MAPK10: variants seen among roughly 807,000 people sequenced by gnomAD.
MAPK10 encodes mitogen-activated protein kinase 10.
In MAPK10, 25 loss-of-function variants were observed where a neutral mutation model predicts 59.3. The ratio of observed to expected loss-of-function variants is 0.42; its 90% CI spans 0.31 to 0.59. The LOEUF (loss-of-function observed/expected upper bound fraction) is 0.59. Ranked by LOEUF, MAPK10 falls within the 20% of genes least tolerant of loss-of-function variation. The pLI is 0.15. For synonymous variants in MAPK10, 190 were observed against 200.5 expected, an observed-to-expected ratio of 0.95 and a Z score of 0.44; for missense variants, 351 against 568.9, an observed-to-expected ratio of 0.62 and a Z score of 3.90.
At chr4:86,230,199 C>T (rs902206860) in intron 2 of MAPK10, among the ~76,000 whole-genome samples, 1 of 152,060 alleles carries the variant, frequency 6.6e-6, no homozygotes, top group South Asian at 2.1e-4. Context: ...TAAATATATA[C>T]AATTTGATTG....
chr4:86,521,650 C>T (rs1327525773), intron 1 of MAPK10, among the ~76,000 whole-genome samples: 2 of 152,076 alleles, frequency 1.3e-5, no homozygotes, highest in Non-Finnish European at 2.9e-5. Context: ...CCCACTATGC[C>T]CCCCAACCAC....
At chr4:86,218,138 G>C (rs1376794148) in intron 2 of MAPK10, among the ~76,000 whole-genome samples, 1 of 152,030 alleles carries the variant, frequency 6.6e-6, no homozygotes, top group Non-Finnish European at 1.5e-5. Context: ...AAAAATAAAA[G>C]GCCAAAATTA....
At chr4:86,093,952 A>T (rs2053732143) in intron 9 of MAPK10, among the ~76,000 whole-genome samples, 1 of 151,944 alleles carries the variant, frequency 6.6e-6, no homozygotes, top group Non-Finnish European at 1.5e-5. Flanking sequence ...AAATTGTTTC[A>T]TCCTAACTTT....
intron 4 of MAPK10, among the ~76,000 whole-genome samples, chr4:86,144,195 G>A (rs1437840899): frequency 1.3e-5 from 2 of 152,084 alleles, no homozygotes; most frequent in African/African-American, 4.8e-5. Flanking sequence ...AACATTAAAA[G>A]ATCTTGTGTT....
At chr4:86,023,832 TATATATATATATATATATAAA>T (rs200773948) in intron 13 of MAPK10, 39 of 141,352 alleles carry the variant, frequency 2.8e-4, no homozygotes, top group African/African-American at 1.0e-3. Context: ...TATATATATA[TATATATATATATATATATAAA>T]ATGAATGTTG....
At chr4:86,496,903 C>T (rs1319535105) in intron 1 of MAPK10, among the ~76,000 whole-genome samples, 2 of 152,160 alleles carry the variant, frequency 1.3e-5, no homozygotes, top group Non-Finnish European at 2.9e-5. Flanking sequence ...TGCCTCCCAT[C>T]CTGCAAATAA....
chr4:86,236,341 C>T (rs1384253776), intron 2 of MAPK10, among the ~76,000 whole-genome samples: 4 of 152,122 alleles, frequency 2.6e-5, no homozygotes, highest in Admixed American at 2.6e-4. Context: ...GTGAGGAAGA[C>T]ATTATTCAGT....
At chr4:86,237,084 C>T (rs1348752663) in intron 2 of MAPK10, among the ~76,000 whole-genome samples, 2 of 151,948 alleles carry the variant, frequency 1.3e-5, no homozygotes, top group African/African-American at 4.8e-5. Flanking sequence ...AGTGAGAACA[C>T]GTGGTGTTTG....
At position 86,015,642 on chromosome 4, in the gene MAPK10, T is replaced by C. The variant is rs887046721; in HGVS notation, c.*1586A>G. 9.9e-5 allele frequency: 15 copies of C among 152,256 alleles called. No homozygotes were observed. Among genetic ancestry groups the C allele is most frequent in the African/African-American group, 3.4e-4 (14 of 41,470 alleles). 9.4% of individuals were successfully genotyped at this position (152,256 alleles called of 1,614,324 possible). A position where few individuals can be genotyped will look rare whatever the true frequency, so the allele number is the denominator to read the frequency against. ...CACTTTCATTTAATTTAATTTAAGC[T>C]AAATTCTGGAGATTTTGCTAAACAT... is the stretch of plus-strand genomic sequence containing the variant. On this transcript the variant is annotated 3_prime_UTR_variant, in exon 14 of 14. Transcript: ENST00000641462.
At chr4:86,217,688 T>C (rs1406538627) in intron 2 of MAPK10, among the ~76,000 whole-genome samples, 1 of 152,196 alleles carries the variant, frequency 6.6e-6, no homozygotes, top group Non-Finnish European at 1.5e-5. Context: ...GGTCTTTTTT[T>C]CTAAATAGTT....
chr4:86,490,682 C>G (rs561338593), intron 1 of MAPK10, among the ~76,000 whole-genome samples: 1 of 152,204 alleles, frequency 6.6e-6, no homozygotes, highest in African/African-American at 2.4e-5. Context: ...AATTCACCCA[C>G]GCAGAGACAG....
intron 4 of MAPK10, among the ~76,000 whole-genome samples, chr4:86,155,777 C>G (rs995587444): frequency 1.3e-5 from 2 of 152,060 alleles, no homozygotes; most frequent in African/African-American, 4.8e-5. Flanking sequence ...GGAACTTTCA[C>G]TTTTTAACTT....
At chr4:86,122,151 G>GT (rs1212586355) in intron 4 of MAPK10, among the ~76,000 whole-genome samples, 1 of 152,124 alleles carries the variant, frequency 6.6e-6, no homozygotes, top group Non-Finnish European at 1.5e-5. Context: ...AGTGAGGACT[G>GT]TAAGGTGGAT....
At chr4:86,564,853 G>A (rs1260741987) in intron 1 of MAPK10, among the ~76,000 whole-genome samples, 1 of 152,148 alleles carries the variant, frequency 6.6e-6, no homozygotes, top group African/African-American at 2.4e-5. Context: ...ACGCAATAGA[G>A]TATTTGCTTA....
At chr4:86,559,295 T>TA (rs1760496211) in intron 1 of MAPK10, among the ~76,000 whole-genome samples, 1 of 151,590 alleles carries the variant, frequency 6.6e-6, no homozygotes, top group South Asian at 2.1e-4. Flanking sequence ...AAAAAAAAAA[T>TA]CTAAAAATCC....
At chr4:86,051,187 T>C (rs1255364461) in intron 11 of MAPK10, among the ~76,000 whole-genome samples, 1 of 152,196 alleles carries the variant, frequency 6.6e-6, no homozygotes, top group Non-Finnish European at 1.5e-5. Context: ...TTTATCATTC[T>C]TACAATTGCC....
chr4:86,288,212 T>C (rs1321107168), intron 2 of MAPK10, among the ~76,000 whole-genome samples: 5 of 151,994 alleles, frequency 3.3e-5, no homozygotes, highest in African/African-American at 4.8e-5. Flanking sequence ...TTAGGGTACA[T>C]GTGCACAATG....
At chr4:86,573,719 GAT>G (rs1347106362) in intron 1 of MAPK10, among the ~76,000 whole-genome samples, 2 of 152,176 alleles carry the variant, frequency 1.3e-5, no homozygotes, top group East Asian at 3.9e-4. Context: ...CCATAAACGT[GAT>G]ATGTCTCTCC....
intron 1 of MAPK10, among the ~76,000 whole-genome samples, chr4:86,436,408 A>G (rs1367591207): frequency 6.6e-6 from 1 of 152,260 alleles, no homozygotes; most frequent in African/African-American, 2.4e-5. Flanking sequence ...AATTGTAGCT[A>G]ACAACCCAGT....
Sources: gnomAD v4.1 joint callset for allele counts (sites outside exome capture counted in the v4.1 genomes callset) on GRCh38, gnomAD v4.1.1 for gene constraint, MANE v1.5 for transcripts, NCBI Gene and HGNC (gene_info 2026-07-23, HGNC 2026-07-21) for gene names.